The following AFG2A variants were observed in gnomAD, a reference collection of about 807,000 sequenced individuals.
AFG2A encodes the protein ATPase family gene 2 protein homolog A.
At chr4:123,081,502 T>C in the AFG2A span, among the ~76,000 whole-genome samples, 1 of 152,232 alleles carries the variant, frequency 6.6e-6, no homozygotes, top group Non-Finnish European at 1.5e-5. Flanking sequence ...TATTCCATTG[T>C]CTGGACCTAC....
the AFG2A span, among the ~76,000 whole-genome samples, chr4:123,233,815 T>C: frequency 6.6e-6 from 1 of 151,998 alleles, no homozygotes; most frequent in African/African-American, 2.4e-5. Context: ...GTGAAAATAC[T>C]TTCCAAGACT....
At chr4:123,064,574 T>C in the AFG2A span, among the ~76,000 whole-genome samples, 5 of 152,232 alleles carry the variant, frequency 3.3e-5, no homozygotes, top group African/African-American at 1.2e-4. Context: ...AGTAAATTAT[T>C]AGTCAACCTT....
chr4:123,299,218 G>A, the AFG2A span, among the ~76,000 whole-genome samples: 1 of 151,930 alleles, frequency 6.6e-6, no homozygotes, highest in Non-Finnish European at 1.5e-5. Context: ...GTGGGAAGTA[G>A]GACAGACTTG....
At chr4:122,997,154 C>A in the AFG2A span, among the ~76,000 whole-genome samples, 1 of 152,158 alleles carries the variant, frequency 6.6e-6, no homozygotes, top group Non-Finnish European at 1.5e-5. Context: ...TGGGTAACAG[C>A]TTTATTTAGA....
the AFG2A span, among the ~76,000 whole-genome samples, chr4:123,099,614 A>G: frequency 6.6e-6 from 1 of 151,788 alleles, no homozygotes; most frequent in Non-Finnish European, 1.5e-5. Context: ...AGTAAAAAAT[A>G]TAATACTGAA....
the AFG2A span, among the ~76,000 whole-genome samples, chr4:122,939,789 A>G: frequency 6.6e-6 from 1 of 151,780 alleles, no homozygotes; most frequent in African/African-American, 2.4e-5. Context: ...CCCTCCCCCA[A>G]CTCCACAACA....
chr4:123,001,296 T>C, the AFG2A span, among the ~76,000 whole-genome samples: 1 of 152,260 alleles, frequency 6.6e-6, no homozygotes, highest in Admixed American at 6.5e-5. Context: ...TTTGTGTGTC[T>C]ATTTCCTTCA....
chr4:123,076,946 T>C, the AFG2A span, among the ~76,000 whole-genome samples: 1 of 108,334 alleles, frequency 9.2e-6, no homozygotes, highest in Non-Finnish European at 1.9e-5. Flanking sequence ...TTGGGGAAAC[T>C]CAAGCCCTGT....
At chr4:123,133,071 C>T in the AFG2A span, among the ~76,000 whole-genome samples, 3 of 152,078 alleles carry the variant, frequency 2.0e-5, no homozygotes, top group Admixed American at 6.6e-5. Flanking sequence ...TGAGCCACTG[C>T]GCCCAGCCGA....
chr4:123,175,265 C>T, the AFG2A span, among the ~76,000 whole-genome samples: 5,525 of 151,766 alleles, frequency 0.036, 344 homozygotes, highest in African/African-American at 0.12. Flanking sequence ...CATAAGCAGA[C>T]GAGATAAATA....
chr4:123,133,785 C>A, the AFG2A span, among the ~76,000 whole-genome samples: 1 of 152,170 alleles, frequency 6.6e-6, no homozygotes, highest in Non-Finnish European at 1.5e-5. Flanking sequence ...GTTTTCACAT[C>A]CTTGCCAAAA....
the AFG2A span, among the ~76,000 whole-genome samples, chr4:122,930,047 A>G: frequency 6.6e-6 from 1 of 152,232 alleles, no homozygotes; most frequent in Admixed American, 6.5e-5. Context: ...TGTAAAGAAA[A>G]GAGTAGATTA....
At chr4:122,952,089 A>G in the AFG2A span, among the ~76,000 whole-genome samples, 1 of 152,172 alleles carries the variant, frequency 6.6e-6, no homozygotes. Flanking sequence ...CTGGCTGCAT[A>G]CTAGCATCAG....
chr4:123,241,645 G>A, the AFG2A span, among the ~76,000 whole-genome samples: 59 of 152,232 alleles, frequency 3.9e-4, no homozygotes, highest in Non-Finnish European at 5.3e-4. Context: ...AATAATAAGA[G>A]CTATTTATGA....
chr4:123,250,609 G>A, the AFG2A span, among the ~76,000 whole-genome samples: 3 of 152,134 alleles, frequency 2.0e-5, no homozygotes, highest in Admixed American at 6.5e-5. Flanking sequence ...TTAAAGAGCC[G>A]CCTTCATTTT....
the AFG2A span, among the ~76,000 whole-genome samples, chr4:123,033,873 T>C: frequency 3.3e-5 from 5 of 152,088 alleles, no homozygotes; most frequent in African/African-American, 1.2e-4. Context: ...AAAAGGCAAA[T>C]GAAAAAGTTT....
the AFG2A span, among the ~76,000 whole-genome samples, chr4:123,254,266 G>A: frequency 6.6e-6 from 1 of 151,956 alleles, no homozygotes; most frequent in Non-Finnish European, 1.5e-5. Flanking sequence ...TGTAGTTTTA[G>A]CTCATACATT....
the AFG2A span, among the ~76,000 whole-genome samples, chr4:122,956,346 A>G: frequency 7.2e-5 from 11 of 152,338 alleles, no homozygotes; most frequent in South Asian, 2.3e-3. Flanking sequence ...GAAGTATCAG[A>G]CAGACTCAAG....
At chr4:123,179,059 G>A in the AFG2A span, among the ~76,000 whole-genome samples, 18 of 152,094 alleles carry the variant, frequency 1.2e-4, no homozygotes, top group African/African-American at 4.1e-4. Context: ...TATCATTTAC[G>A]TTTTCTACAT....
Sources: allele counts gnomAD v4.1 joint callset (sites outside exome capture counted in the v4.1 genomes callset), GRCh38; gene constraint gnomAD v4.1.1; transcripts MANE v1.5; gene names NCBI Gene and HGNC (gene_info 2026-07-23, HGNC 2026-07-21).